The following MARCHF3 variants were observed in gnomAD, a reference collection of about 807,000 sequenced individuals.
MARCHF3 encodes the protein E3 ubiquitin-protein ligase MARCHF3.
Under a neutral mutation model 24.2 loss-of-function variants are expected in MARCHF3, and 13 were observed. The ratio of observed to expected loss-of-function variants is 0.54; its 90% CI spans 0.35 to 0.85. The LOEUF (loss-of-function observed/expected upper bound fraction) is 0.85, where lower values mean the gene tolerates loss of function less well. Among genes scored for constraint, MARCHF3 ranks in the 40% least tolerant of loss-of-function variants. The pLI, the probability that MARCHF3 is intolerant of heterozygous loss-of-function variation, is 0.01. For synonymous variants in MARCHF3, 144 were observed against 137.3 expected (o/e 1.05, Z -0.34); for missense variants, 276 against 325.0 (o/e 0.85, Z 1.16).
chr5:127,015,913 C>T (rs1036108866), intron 1 of MARCHF3, among the ~76,000 whole-genome samples: 1 of 152,136 alleles, frequency 6.6e-6, no homozygotes, highest in African/African-American at 2.4e-5. Flanking sequence ...GCATCCTCTG[C>T]TTGTGCAGCA....
intron 3 of MARCHF3, among the ~76,000 whole-genome samples, chr5:126,891,963 C>A (rs1424283329): frequency 6.7e-6 from 1 of 149,764 alleles, no homozygotes; most frequent in Non-Finnish European, 1.5e-5. Context: ...CTTTTATTTC[C>A]TTGAGCAGTG....
chr5:126,997,074 T>C (rs1325637349), intron 1 of MARCHF3, among the ~76,000 whole-genome samples: 1 of 152,214 alleles, frequency 6.6e-6, no homozygotes, highest in Non-Finnish European at 1.5e-5. Context: ...TATTAAAGAA[T>C]ACTTACAGTA....
At chr5:126,875,571 G>A (rs1045856783) in intron 4 of MARCHF3, among the ~76,000 whole-genome samples, 27 of 152,224 alleles carry the variant, frequency 1.8e-4, no homozygotes, top group African/African-American at 6.3e-4. Context: ...TCTGAATTAC[G>A]GCTCTTGCCA....
At chr5:126,961,637 C>T (rs1369830510) in intron 1 of MARCHF3, among the ~76,000 whole-genome samples, 2 of 152,114 alleles carry the variant, frequency 1.3e-5, no homozygotes, top group Admixed American at 1.3e-4. Context: ...ATAATTCCAT[C>T]GCAATGTAGT....
In MARCHF3 at chr5:126,878,237, C is replaced by T; in HGVS notation, c.551G>A (p.Gly184Glu). The T allele has an allele frequency of 6.2e-7, 1 of 1,614,234 alleles. No individual in the cohort carries two copies. Among genetic ancestry groups the T allele is most frequent in the Admixed American group, 1.7e-5 (1 of 60,026 alleles). The change falls in exon 4 of 5, where the codon GGA becomes GAA. Residue 184 changes from glycine (G) to glutamate (E), a missense_variant. Physicochemically the swap from Gly to Glu is moderately conservative, Grantham distance 98 (BLOSUM62 -2). Transcript: ENST00000308660. ...LHFSSRLEAV[G>E]LIALTVALFT... ...GAGTGCGACAGTGAGTGCAATCAGT[C>T]CGACGGCTTCCAGCCGACTACTAAA...
chr5:126,955,287 CA>C (rs987021398), intron 1 of MARCHF3, among the ~76,000 whole-genome samples: 2 of 152,042 alleles, frequency 1.3e-5, no homozygotes, highest in South Asian at 2.1e-4. Context: ...CTCATCATGA[CA>C]AAAAAAATGC....
rs1397013236 is a variant in MARCHF3 at position 126,971,445 on chromosome 5, T to C, written c.-56-53218A>G. Among the ~76,000 whole-genome samples the C allele has an allele frequency of 5.2e-5, 5 of 95,354 alleles. No homozygotes were observed. In the South Asian group the frequency reaches 1.3e-3, roughly 25 times the overall value. 62.6% of individuals were successfully genotyped at this position (95,354 alleles called of 152,430 possible). ...GCCTGGGTGACAGAGCGAGACTCTG[T>C]CTCAAAAAAAAAAAAAAAAAAAGAA... On this transcript the variant is annotated intron_variant, in intron 1 of 4. Transcript: ENST00000308660.
chr5:126,925,611 C>T (rs1157581371), intron 1 of MARCHF3, among the ~76,000 whole-genome samples: 1 of 152,130 alleles, frequency 6.6e-6, no homozygotes, highest in Non-Finnish European at 1.5e-5. Context: ...CACAACAATG[C>T]TATGTGTTCA....
At chr5:126,910,067 C>T (rs928582153) in intron 3 of MARCHF3, among the ~76,000 whole-genome samples, 12 of 152,132 alleles carry the variant, frequency 7.9e-5, no homozygotes, top group East Asian at 3.9e-4. Context: ...AATAGGAATA[C>T]GGAAACTTAA....
At chr5:126,875,450 C>T (rs1241925179) in intron 4 of MARCHF3, among the ~76,000 whole-genome samples, 1 of 152,264 alleles carries the variant, frequency 6.6e-6, no homozygotes, top group African/African-American at 2.4e-5. Context: ...CAGGCTTGGA[C>T]TGACACCGTG....
chr5:126,972,594 G>A (rs1451483313), intron 1 of MARCHF3, among the ~76,000 whole-genome samples: 1 of 152,018 alleles, frequency 6.6e-6, no homozygotes, highest in African/African-American at 2.4e-5. Context: ...ATTAATTGAG[G>A]GTCAGATTCC....
At chr5:126,989,334 CTACTAATAA>C (rs1751672937) in intron 1 of MARCHF3, among the ~76,000 whole-genome samples, 2 of 140,204 alleles carry the variant, frequency 1.4e-5, no homozygotes, top group South Asian at 5.5e-4. Flanking sequence ...ACTACTACTA[CTACTAATAA>C]TAATAATAAT....
chr5:126,943,280 C>T (rs1209520238), intron 1 of MARCHF3, among the ~76,000 whole-genome samples: 1 of 148,662 alleles, frequency 6.7e-6, no homozygotes, highest in Non-Finnish European at 1.5e-5. Context: ...GGCAACAGAG[C>T]TCAATAATAA....
intron 1 of MARCHF3, among the ~76,000 whole-genome samples, chr5:126,961,914 T>C (rs1024499032): frequency 6.6e-6 from 1 of 152,156 alleles, no homozygotes; most frequent in Non-Finnish European, 1.5e-5. Flanking sequence ...CAAAGAAGAA[T>C]ATTACTGGTT....
At chr5:127,029,941 C>G (rs1421948626) in intron 1 of MARCHF3, 3 of 152,288 alleles carry the variant, frequency 2.0e-5, no homozygotes, top group Non-Finnish European at 4.4e-5. Flanking sequence ...CCGATGAGCG[C>G]TCGCTCAGCC....
chr5:126,914,747 G>A (rs2126792238), intron 3 of MARCHF3, 183 bp downstream of exon 3: 1 of 585,704 alleles, frequency 1.7e-6, no homozygotes, highest in South Asian at 1.9e-5. Context: ...GTGTCTGTCT[G>A]TCTACATCTC....
chr5:126,874,822 T>C (rs1753093393), intron 4 of MARCHF3, among the ~76,000 whole-genome samples: 1 of 152,072 alleles, frequency 6.6e-6, no homozygotes, highest in Non-Finnish European at 1.5e-5. Context: ...TCAGGATGCT[T>C]GTAGGCCGTG....
chr5:126,943,469 G>A (rs1370864493), intron 1 of MARCHF3, among the ~76,000 whole-genome samples: 2 of 151,766 alleles, frequency 1.3e-5, no homozygotes, highest in African/African-American at 2.4e-5. Flanking sequence ...TGTGGTCCCA[G>A]CTACTTGGGA....
chr5:127,025,313 A>G (rs1423643819), intron 1 of MARCHF3, among the ~76,000 whole-genome samples: 4 of 149,264 alleles, frequency 2.7e-5, no homozygotes, highest in Non-Finnish European at 4.4e-5. Flanking sequence ...GTTATTAAAA[A>G]AAAAAAAAAA....
Sources: gnomAD v4.1 joint callset for allele counts (sites outside exome capture counted in the v4.1 genomes callset) on GRCh38, gnomAD v4.1.1 for gene constraint, MANE v1.5 for transcripts, NCBI Gene and HGNC (gene_info 2026-07-23, HGNC 2026-07-21) for gene names.